The following VWDE variants were observed in gnomAD, a reference collection of about 807,000 sequenced individuals.
The protein encoded by VWDE is von Willebrand factor D and EGF domain-containing protein.
VWDE carries 207 observed loss-of-function variants against 178.4 expected under a neutral mutation model. The observed-to-expected ratio is 1.16, with a 90% CI of 1.04 to 1.30. The LOEUF is 1.30. VWDE is among the 50% of genes most tolerant of loss of function. VWDE has a pLI of 0.00. For synonymous variants in VWDE, 738 were observed against 651.4 expected (o/e 1.13, Z -2.02); for missense variants, 2,287 against 1,901.3 (o/e 1.20, Z -3.77).
At chr7:12,395,268 T>C (rs1034716691) in intron 1 of VWDE, among the ~76,000 whole-genome samples, 1 of 152,200 alleles carries the variant, frequency 6.6e-6, no homozygotes, top group Non-Finnish European at 1.5e-5. Flanking sequence ...ATATCTCTAA[T>C]ATCCTTCAAA....
intron 1 of VWDE, among the ~76,000 whole-genome samples, chr7:12,398,513 T>C (rs1356164208): frequency 6.6e-6 from 1 of 152,144 alleles, no homozygotes; most frequent in Non-Finnish European, 1.5e-5. Flanking sequence ...GCTATATTTC[T>C]TCCCTGCTAT....
At position 12,393,578 on chromosome 7, in the gene VWDE, T is replaced by C. The variant is rs905399217; in HGVS notation, c.243+16A>G. ...CATAAGGAAAATAACATGCAGTACT[T>C]AGGGAGTTGACATACCTCAACACAT... On this transcript the variant is annotated intron_variant, in intron 2 of 28. Coordinates refer to ENST00000275358, the MANE Select transcript of VWDE (RefSeq NM_001135924.3). 24 of 1,527,766 alleles carry C rather than the reference T, an allele frequency of 1.6e-5. No homozygotes were observed. The Admixed American group carries it at 2.5e-4, about 16-fold the overall frequency. The allele number at this position is 1,527,766 out of a possible 1,614,324, so 94.6% of individuals were successfully genotyped here.
intron 19 of VWDE, among the ~76,000 whole-genome samples, chr7:12,346,092 T>G (rs1781582205): frequency 6.6e-6 from 1 of 152,178 alleles, no homozygotes; most frequent in South Asian, 2.1e-4. Flanking sequence ...TAGTAGGAGC[T>G]GTGTACTAAC....
chr7:12,345,962 T>G (rs1054378691), intron 19 of VWDE, among the ~76,000 whole-genome samples: 1 of 152,112 alleles, frequency 6.6e-6, no homozygotes, highest in Non-Finnish European at 1.5e-5. Context: ...AATTTATAGC[T>G]ACACAACCAA....
At chr7:12,402,303 G>A (rs922159923) in intron 1 of VWDE, among the ~76,000 whole-genome samples, 2 of 152,030 alleles carry the variant, frequency 1.3e-5, no homozygotes, top group East Asian at 3.9e-4. Context: ...CCATAGAGTC[G>A]CACACTTTGA....
intron 1 of VWDE, among the ~76,000 whole-genome samples, chr7:12,402,386 A>C (rs1247952156): frequency 6.6e-6 from 1 of 152,222 alleles, no homozygotes; most frequent in Non-Finnish European, 1.5e-5. Flanking sequence ...TGCATTTTCC[A>C]TTTACCTCGT....
chr7:12,344,581 A>G (rs1332325139), intron 19 of VWDE, 112 bp from the exon 20 acceptor site: 2 of 774,806 alleles, frequency 2.6e-6, no homozygotes, highest in East Asian at 5.3e-5. Context: ...TAGTTAACTA[A>G]TAGTCCCTCT....
At chr7:12,359,025 T>C (rs10251962) in intron 16 of VWDE, among the ~76,000 whole-genome samples, 10,939 of 152,232 alleles carry the variant, frequency 0.072, 807 homozygotes, top group African/African-American at 0.18. Context: ...TGTCCTATTG[T>C]CTCTAATAAT....
chr7:12,392,548 T>C (rs1429734588), intron 2 of VWDE, among the ~76,000 whole-genome samples: 1 of 152,170 alleles, frequency 6.6e-6, no homozygotes, highest in Non-Finnish European at 1.5e-5. Flanking sequence ...TTGAAAATCA[T>C]GCCAAGGATA....
At chr7:12,351,295 A>G (rs959960964) in intron 19 of VWDE, among the ~76,000 whole-genome samples, 1 of 152,156 alleles carries the variant, frequency 6.6e-6, no homozygotes, top group Non-Finnish European at 1.5e-5. Flanking sequence ...GGATTTATAA[A>G]ATATAAGTTT....
At position 12,333,550 on chromosome 7, in the gene VWDE, C is replaced by A; in HGVS notation, c.4673G>T (p.Cys1558Phe). 1.3e-6 allele frequency: 2 copies of A among 1,551,022 alleles called. No individual in the cohort carries two copies. The highest frequency in any genetic ancestry group is 8.7e-7 in the Non-Finnish European group (1 of 1,146,524). Residue 1558 changes from cysteine (C) to phenylalanine (F), a missense_variant, in exon 28 of 29, where the codon TGT becomes TTT. By Grantham distance (205) the Cys-to-Phe change is radical. Transcript: ENST00000275358. ...RCQIPICNPK[C>F]LYGGRCIFPN... ...AAATATGCATCTGCCTCCATAAAGACATTTTGGGTTGCAAATTGCTGCAAT... is the reference window on the plus strand; with the variant it reads ...AAATATGCATCTGCCTCCATAAAGAAATTTTGGGTTGCAAATTGCTGCAAT...
At chr7:12,390,913 T>G (rs1403060308) in intron 2 of VWDE, among the ~76,000 whole-genome samples, 1 of 152,126 alleles carries the variant, frequency 6.6e-6, no homozygotes, top group Non-Finnish European at 1.5e-5. Flanking sequence ...GACACTAAAA[T>G]TAAAACAATA....
At position 12,370,133 on chromosome 7, in the gene VWDE, A is replaced by G. The variant is rs1307801611; in HGVS notation, c.2173T>C (p.Tyr725His). The G allele has an allele frequency of 6.4e-7, 1 of 1,551,378 alleles. No homozygotes were observed. The highest frequency in any genetic ancestry group is 1.4e-5 in the African/African-American group (1 of 73,018). ...TGTGTATATTTCTTATTGGCCAAATATTGTAGTGAATCTTCTTTCTCATTT... is the reference window on the plus strand; with the variant it reads ...TGTGTATATTTCTTATTGGCCAAATGTTGTAGTGAATCTTCTTTCTCATTT... Reference protein sequence around the residue: ...PGNEKEDSLQYLANKKYTQGR... With the variant: ...PGNEKEDSLQHLANKKYTQGR... Residue 725 changes from tyrosine to histidine, a missense_variant, in exon 12 of 29, where the codon TAT becomes CAT. By Grantham distance (83) the Tyr-to-His change is moderately conservative. Transcript: ENST00000275358.
At chr7:12,390,632 T>C (rs1353688291) in intron 2 of VWDE, among the ~76,000 whole-genome samples, 2 of 151,726 alleles carry the variant, frequency 1.3e-5, no homozygotes, top group Admixed American at 6.6e-5. Flanking sequence ...AATTATACTA[T>C]ATTTGTTATT....
At position 12,359,598 on chromosome 7, in the gene VWDE, A is replaced by C; in HGVS notation, c.3254T>G (p.Phe1085Cys). Residue 1085 changes from phenylalanine to cysteine, a missense_variant, in exon 16 of 29, where the codon TTT becomes TGT. Physicochemically the swap from Phe to Cys is radical, Grantham distance 205 (BLOSUM62 -2). Coordinates refer to ENST00000275358, the MANE Select transcript of VWDE (RefSeq NM_001135924.3). ...CLICRPKISR[F>C]TWSFLENNQP... ...CTTACTTTCTAAAAATGACCAAGTA[A>C]ATCTTGAAATTTTGGGTCTACAAAT... 6.5e-7 allele frequency: 1 copy of C among 1,549,606 alleles called. No individual in the cohort carries two copies. The highest frequency in any genetic ancestry group is 8.7e-7 in the Non-Finnish European group (1 of 1,145,598).
chr7:12,333,809 T>A, intron 27 of VWDE: 1 of 326,038 alleles, frequency 3.1e-6, no homozygotes, highest in Non-Finnish European at 5.5e-6. Flanking sequence ...AAGATATTAT[T>A]AAAAGAAACA....
At chr7:12,356,081 T>C in intron 18 of VWDE, 30 bp downstream of exon 18, 1 of 1,533,536 alleles carries the variant, frequency 6.5e-7, no homozygotes, top group African/African-American at 1.4e-5. Context: ...AGCTTTTCTT[T>C]CTAATTTGTT....
At chr7:12,331,588 G>C (rs1780725448) in intron 28 of VWDE, among the ~76,000 whole-genome samples, 1 of 151,954 alleles carries the variant, frequency 6.6e-6, no homozygotes, top group Non-Finnish European at 1.5e-5. Context: ...TCCTCTATTG[G>C]ATGTAATTAG....
intron 19 of VWDE, among the ~76,000 whole-genome samples, chr7:12,351,230 G>T (rs1417554390): frequency 6.6e-6 from 1 of 152,164 alleles, no homozygotes; most frequent in East Asian, 1.9e-4. Flanking sequence ...TTGTGAAATA[G>T]TGAACTTCTT....
Sources: allele counts gnomAD v4.1 joint callset (sites outside exome capture counted in the v4.1 genomes callset), GRCh38; gene constraint gnomAD v4.1.1; transcripts MANE v1.5; gene names NCBI Gene and HGNC (gene_info 2026-07-23, HGNC 2026-07-21).